Variants in XPOT observed in about 807,000 individuals in gnomAD.
XPOT encodes the protein exportin-T.
A neutral mutation model predicts 128.2 loss-of-function variants in XPOT; 34 were observed. The ratio of observed to expected loss-of-function variants is 0.27; its 90% CI spans 0.20 to 0.35. The LOEUF is 0.35. XPOT is among the 10% of genes least tolerant of loss of function. The probability of loss-of-function intolerance (pLI) is 1.00; values close to 1 mark genes in which losing one functional copy is unlikely to be tolerated. For synonymous variants in XPOT, 348 were observed against 394.3 expected, an observed-to-expected ratio of 0.88 and a Z score of 1.39; for missense variants, 838 against 1,125.3, an observed-to-expected ratio of 0.74 and a Z score of 3.65.
chr12:64,414,431 A>G (rs1470223941), intron 2 of XPOT, among the ~76,000 whole-genome samples: 2 of 152,230 alleles, frequency 1.3e-5, no homozygotes, highest in African/African-American at 4.8e-5. Context: ...CCTGTGTAAC[A>G]GTAGATCAGA....
intron 2 of XPOT, 33 bp from the exon 3 acceptor site, chr12:64,414,874 C>G: frequency 7.2e-7 from 1 of 1,393,066 alleles, no homozygotes. Flanking sequence ...ATTGTTTATT[C>G]TAAATGCATT....
At chr12:64,442,478 C>T (rs546282300) in intron 23 of XPOT, 1 of 152,460 alleles carries the variant, frequency 6.6e-6, no homozygotes, top group Admixed American at 6.5e-5. Flanking sequence ...ATATCAATTA[C>T]CCTAGCCCAT....
At chr12:64,416,653 T>C in intron 3 of XPOT, 45 bp from the exon 4 acceptor site, 3 of 1,515,794 alleles carry the variant, frequency 2.0e-6, no homozygotes, top group Non-Finnish European at 2.7e-6. Context: ...TTTGTTTTCC[T>C]CAGTTCATAT....
intron 17 of XPOT, among the ~76,000 whole-genome samples, chr12:64,431,062 A>C (rs2040235121): frequency 6.6e-6 from 1 of 152,066 alleles, no homozygotes; most frequent in Non-Finnish European, 1.5e-5. Flanking sequence ...CTTGTGCCTC[A>C]GCCTCCAAGT....
chr12:64,410,001 A>T lies in XPOT; in HGVS notation c.-35A>T. 1 of 1,599,236 alleles carries T rather than the reference A, an allele frequency of 6.3e-7. No individual in the cohort carries two copies. ...TTCTGTGGGATCAGAGGGCACGCCT[A>T]TTACAACCAGAAAACTACAAGTATA... On this transcript the variant is annotated 5_prime_UTR_variant, in exon 2 of 25. Transcript: ENST00000332707.
At chr12:64,422,465 T>C (rs1184389101) in intron 9 of XPOT, among the ~76,000 whole-genome samples, 1 of 152,184 alleles carries the variant, frequency 6.6e-6, no homozygotes, top group Non-Finnish European at 1.5e-5. Flanking sequence ...TTGCAGAATA[T>C]GTTATAGGTG....
chr12:64,409,800 G>T (rs557471521), intron 1 of XPOT, 162 bp from the exon 2 acceptor site: 1 of 496,172 alleles, frequency 2.0e-6, no homozygotes, highest in African/African-American at 1.9e-5. Flanking sequence ...CCATTTTTCT[G>T]AGAATTAGGC....
intron 14 of XPOT, 121 bp downstream of exon 14, chr12:64,425,578 C>T (rs1467852562): frequency 3.8e-6 from 5 of 1,320,906 alleles, no homozygotes; most frequent in African/African-American, 3.0e-5. Context: ...GTGCTTGGCA[C>T]ACACTGAAAG....
intron 4 of XPOT, among the ~76,000 whole-genome samples, chr12:64,417,171 C>A (rs901403860): frequency 6.6e-6 from 1 of 152,156 alleles, no homozygotes; most frequent in Non-Finnish European, 1.5e-5. Context: ...GAGCCGGGAT[C>A]ACACCACTGC....
At chr12:64,446,250 TGTG>T (rs781356755) in intron 24 of XPOT, among the ~76,000 whole-genome samples, 3 of 152,204 alleles carry the variant, frequency 2.0e-5, no homozygotes, top group Non-Finnish European at 2.9e-5. Context: ...GTTCTCCAGA[TGTG>T]GTTATTTATC....
At chr12:64,407,483 CAAA>C (rs534365929) in intron 1 of XPOT, among the ~76,000 whole-genome samples, 1 of 104,370 alleles carries the variant, frequency 9.6e-6, no homozygotes, top group African/African-American at 3.4e-5. Flanking sequence ...GAGACTGTCT[CAAA>C]AAAAAAAAAA....
intron 1 of XPOT, among the ~76,000 whole-genome samples, chr12:64,405,859 G>A (rs184336402): frequency 1.3e-5 from 2 of 152,110 alleles, no homozygotes; most frequent in South Asian, 2.1e-4. Context: ...CTCGCGATCC[G>A]CCCGCCTCAG....
chr12:64,420,780 CA>C (rs1430572918), intron 8 of XPOT, among the ~76,000 whole-genome samples: 1 of 152,132 alleles, frequency 6.6e-6, no homozygotes, highest in Non-Finnish European at 1.5e-5. Context: ...ACAACTTGTT[CA>C]TAGTGGAATT....
chr12:64,436,036 G>A (rs974800474), intron 22 of XPOT, among the ~76,000 whole-genome samples: 4 of 150,376 alleles, frequency 2.7e-5, no homozygotes, highest in African/African-American at 7.4e-5. Flanking sequence ...GGCTCACGGC[G>A]ACCCCTGCCT....
intron 2 of XPOT, 52 bp from the exon 3 acceptor site, chr12:64,414,855 G>A (rs2040072913): frequency 9.3e-7 from 1 of 1,070,048 alleles, no homozygotes; most frequent in African/African-American, 1.6e-5. Context: ...ATATTAGCAG[G>A]GCATTGAGAT....
At chr12:64,417,416 C>T (rs997093153) in intron 4 of XPOT, among the ~76,000 whole-genome samples, 44 of 151,922 alleles carry the variant, frequency 2.9e-4, no homozygotes, top group African/African-American at 9.2e-4. Context: ...GGCATGATTG[C>T]GCGCTTCTGT....
In XPOT at chr12:64,435,681, C is replaced by CT; in HGVS notation, c.2733+11dup. 6.2e-7 allele frequency: 1 copy of CT among 1,601,350 alleles called. No individual in the cohort carries two copies. Among genetic ancestry groups the CT allele is most frequent in the Non-Finnish European group, 8.5e-7 (1 of 1,172,210 alleles). On this transcript the variant is annotated splice_region_variant and intron_variant, in intron 22 of 24. Transcript: ENST00000332707. Reference sequence around the variant, plus strand: ...AACAATTCATCTCAAACGGGTAAGCCTTTTAGTCCATGCCCCTTCATTTTC... The same window carrying CT: ...AACAATTCATCTCAAACGGGTAAGCCTTTTTAGTCCATGCCCCTTCATTTTC...
rs748047004 is a variant in XPOT at position 64,433,450 on chromosome 12, C to G, written c.2299C>G (p.Pro767Ala). ...VSPFLQQMFM[P>A]LLHAIFEVLL... ...CCCGTTTTTACAACAGATGTTCATG[C>G]CCCTGCTTCATGCAATTTTTGAAGT... Residue 767 changes from proline to alanine, a missense_variant, in exon 19 of 25, where the codon CCC (proline) becomes GCC (alanine). Around this residue, in one of 3 missense-constraint regions of XPOT, gnomAD observed 761 missense variants for 988.3 expected, o/e 0.77. Coordinates refer to ENST00000332707, the MANE Select transcript of XPOT (RefSeq NM_007235.6). 20 of 1,598,842 alleles carry G rather than the reference C, an allele frequency of 1.3e-5. No homozygotes were observed. The Middle Eastern group carries it at 3.2e-3, about 258-fold the overall frequency.
rs768467729 is a variant in XPOT at position 64,423,251 on chromosome 12, A to AT, written c.1182+16dup. ...ATATAACTTTGAAAATGAGGTAAGA[A>AT]TTTTTTTTTGTTGAGGAGAAAGGAG... On this transcript the variant is annotated splice_region_variant and intron_variant, in intron 11 of 24. Coordinates refer to ENST00000332707, the MANE Select transcript of XPOT (RefSeq NM_007235.6). The AT allele has an allele frequency of 4.6e-4, 700 of 1,532,092 alleles. No individual in the cohort carries two copies. Among genetic ancestry groups the AT allele is most frequent in the South Asian group, 5.9e-4 (47 of 79,930 alleles). The allele number at this position is 1,532,092 out of a possible 1,614,324, so 94.9% of individuals were successfully genotyped here.
Sources: allele counts gnomAD v4.1 joint callset (sites outside exome capture counted in the v4.1 genomes callset), GRCh38; gene constraint gnomAD v4.1.1; regional missense constraint gnomAD v4.1.1; transcripts MANE v1.5; gene names NCBI Gene and HGNC (gene_info 2026-07-23, HGNC 2026-07-21).